Variants in CYP27C1 observed in about 807,000 individuals in gnomAD.
The protein encoded by CYP27C1 is cytochrome P450 family 27 subfamily C member 1, also known as cytochrome P450 27C1.
Under a neutral mutation model 40.6 loss-of-function variants are expected in CYP27C1, and 29 were observed. The observed-to-expected ratio is 0.71, with a 90% confidence interval of 0.53 to 0.97. The LOEUF (loss-of-function observed/expected upper bound fraction) is 0.97. Ranked by LOEUF, CYP27C1 falls within the 50% of genes least tolerant of loss-of-function variation. The pLI, the probability that CYP27C1 is intolerant of heterozygous loss-of-function variation, is 0.00. For synonymous variants in CYP27C1, 198 were observed against 186.8 expected (o/e 1.06, Z -0.49); for missense variants, 390 against 485.8 (o/e 0.80, Z 1.85).
At chr2:127,204,775 G>T (rs1055743820) in intron 2 of CYP27C1, among the ~76,000 whole-genome samples, 3 of 152,126 alleles carry the variant, frequency 2.0e-5, no homozygotes, top group African/African-American at 7.2e-5. Flanking sequence ...GGACGCTGAG[G>T]GAACCCCTTG....
intron 2 of CYP27C1, among the ~76,000 whole-genome samples, chr2:127,204,555 G>GAGAGAAAGAAAGAAAGAA (rs1553503372): frequency 2.6e-5 from 1 of 39,184 alleles, no homozygotes; most frequent in African/African-American, 9.5e-5. Flanking sequence ...GAGAGAGAGA[G>GAGAGAAAGAAAGAAAGAA]AGAAAGAAAG....
intron 5 of CYP27C1, among the ~76,000 whole-genome samples, chr2:127,198,403 C>A (rs1237483571): frequency 6.6e-6 from 1 of 152,060 alleles, no homozygotes; most frequent in Non-Finnish European, 1.5e-5. Context: ...TGTCTGTACC[C>A]TCTTCATGTA....
Position 127,204,455 on chromosome 2 carries a change from A to AG in CYP27C1, c.474-885dup, listed in dbSNP as rs1491413619. 5.2e-5 allele frequency among the ~76,000 whole-genome samples: 2 copies of AG among 38,404 alleles called. 1 individual carries two copies. Among genetic ancestry groups the AG allele is most frequent in the Non-Finnish European group, 1.1e-4 (2 of 18,090 alleles). 25.2% of individuals were successfully genotyped at this position (38,404 alleles called of 152,430 possible). ...GAAAGAAAGAAAAAGAAAGAAAGAA[A>AG]GAAAGAAAGAAAGAAAGAAAGAAAG... On this transcript the variant is annotated intron_variant, in intron 2 of 8. Coordinates refer to ENST00000664447, the MANE Select transcript of CYP27C1 (RefSeq NM_001367502.1).
chr2:127,209,571 C>T lies in CYP27C1; in HGVS notation c.283-3481G>A, dbSNP rs1005940976. On this transcript the variant is annotated intron_variant, in intron 1 of 8. Transcript: ENST00000664447. This position sits in a 1 kb window ranked among gnomAD's most constrained non-coding sequence, Gnocchi z 4.1. ...ATGGGTAATAAAAAACTGCGATGAC[C>T]TAAAGGAGCATGTTCTAACACAATG... is the stretch of plus-strand genomic sequence containing the variant. Among the ~76,000 whole-genome samples, 6 of 152,086 alleles carry T rather than the reference C, an allele frequency of 3.9e-5. No individual in the cohort carries two copies. The highest frequency in any genetic ancestry group is 1.4e-4 in the African/African-American group (6 of 41,406).
intron 6 of CYP27C1, among the ~76,000 whole-genome samples, 187 bp from the exon 7 acceptor site, chr2:127,194,054 G>A (rs1036033988): frequency 3.3e-5 from 5 of 152,182 alleles, no homozygotes; most frequent in Non-Finnish European, 5.9e-5. Context: ...TTACCAGCGA[G>A]TATTCTGAGG....
intron 7 of CYP27C1, 26 bp downstream of exon 7, chr2:127,193,763 G>A: frequency 6.2e-7 from 1 of 1,613,840 alleles, no homozygotes; most frequent in African/African-American, 1.3e-5. Context: ...CGCAAGGCCT[G>A]GCCACCCCCA....
intron 5 of CYP27C1, among the ~76,000 whole-genome samples, chr2:127,197,035 C>T (rs571687275): frequency 3.3e-5 from 5 of 152,270 alleles, no homozygotes; most frequent in African/African-American, 1.2e-4. Context: ...AGAATTTGTT[C>T]CCTGGCTTCT....
At chr2:127,193,503 C>G (rs1682831806) in intron 7 of CYP27C1, among the ~76,000 whole-genome samples, 1 of 152,194 alleles carries the variant, frequency 6.6e-6, no homozygotes, top group African/African-American at 2.4e-5. Flanking sequence ...AGAAGACCGT[C>G]GAGCCCTTCA....
At chr2:127,205,774 TATC>T in intron 2 of CYP27C1, 123 bp downstream of exon 2, 2 of 984,982 alleles carry the variant, frequency 2.0e-6, no homozygotes, top group South Asian at 9.4e-5. Context: ...GACTGTCTGA[TATC>T]ATTCCATGGG....
At chr2:127,204,539 G>C (rs776788412) in intron 2 of CYP27C1, among the ~76,000 whole-genome samples, 3 of 35,620 alleles carry the variant, frequency 8.4e-5, no homozygotes, top group African/African-American at 2.8e-4. Flanking sequence ...GAAAGAAAGA[G>C]AGAGAGAGAG....
chr2:127,211,385 T>TG (rs1558933913), intron 1 of CYP27C1, among the ~76,000 whole-genome samples: 5 of 61,586 alleles, frequency 8.1e-5, no homozygotes, highest in East Asian at 7.0e-4. Context: ...TTTTTTTTTT[T>TG]TTTTTTTTTT....
At chr2:127,192,990 G>C in intron 8 of CYP27C1, 104 bp downstream of exon 8, 1 of 1,436,836 alleles carries the variant, frequency 7.0e-7, no homozygotes, top group Non-Finnish European at 9.4e-7. Flanking sequence ...TTGATCTTAA[G>C]TTTCCAAAAC....
intron 8 of CYP27C1, 126 bp downstream of exon 8, chr2:127,192,968 G>T: frequency 1.6e-6 from 2 of 1,239,678 alleles, no homozygotes; most frequent in Non-Finnish European, 2.2e-6. Context: ...GAGCCACAGT[G>T]CCTGACGGCT....
chr2:127,184,324 C>T lies in CYP27C1; in HGVS notation c.*2947G>A, dbSNP rs1257366556. 1 of 151,894 alleles carries T rather than the reference C, an allele frequency of 6.6e-6. No homozygotes were observed. Among genetic ancestry groups the T allele is most frequent in the South Asian group, 2.1e-4 (1 of 4,808 alleles). The allele number at this position is 151,894 out of a possible 1,614,324, so 9.4% of individuals were successfully genotyped here. ...GTGGTTTATTTGAATCTGATTCAAA[C>T]GAAGTCCAGCATTGTACTTGGTTAA... On this transcript the variant is annotated 3_prime_UTR_variant, in exon 9 of 9. Coordinates refer to ENST00000664447, the MANE Select transcript of CYP27C1 (RefSeq NM_001367502.1).
chr2:127,183,942 CT>C lies in CYP27C1; in HGVS notation c.*3328del, dbSNP rs1682559074. Among the ~76,000 whole-genome samples, 1 of 152,172 alleles carries C rather than the reference CT, an allele frequency of 6.6e-6. No homozygotes were observed. The highest frequency in any genetic ancestry group is 6.5e-5 in the Admixed American group (1 of 15,280). ...ACCCTGCTTCCACAGTTAACAACAT[CT>C]GCCTAATCTTGGGTCATCTCTTCCT... On this transcript the variant is annotated 3_prime_UTR_variant, in exon 9 of 9. Coordinates refer to ENST00000664447, the MANE Select transcript of CYP27C1 (RefSeq NM_001367502.1). The surrounding 1 kb of genome is among the most constrained non-coding windows in gnomAD (Gnocchi z 5.1).
chr2:127,185,522 T>C lies in CYP27C1; in HGVS notation c.*1749A>G, dbSNP rs754995484. 6.6e-6 allele frequency: 1 copy of C among 152,250 alleles called. No individual in the cohort carries two copies. The highest frequency in any genetic ancestry group is 1.5e-5 in the Non-Finnish European group (1 of 68,044). 9.4% of individuals were successfully genotyped at this position (152,250 alleles called of 1,614,324 possible). ...TAGTTTATAAAACTTAATATACGTA[T>C]ACTGCTACCTCAAAGTAATCAATCC... On this transcript the variant is annotated 3_prime_UTR_variant, in exon 9 of 9. Coordinates refer to ENST00000664447, the MANE Select transcript of CYP27C1 (RefSeq NM_001367502.1). The surrounding 1 kb of genome is among the most constrained non-coding windows in gnomAD (Gnocchi z 4.9).
intron 1 of CYP27C1, among the ~76,000 whole-genome samples, chr2:127,216,284 C>G (rs1420242441): frequency 1.3e-5 from 2 of 152,156 alleles, no homozygotes; most frequent in African/African-American, 4.8e-5. Flanking sequence ...AAGGTGGAAA[C>G]AATCCAAATG....
At chr2:127,188,784 C>T (rs956913967) in intron 8 of CYP27C1, among the ~76,000 whole-genome samples, 3 of 152,102 alleles carry the variant, frequency 2.0e-5, no homozygotes, top group African/African-American at 7.3e-5. Flanking sequence ...CACCCTAAAG[C>T]GATTATCTCT....
chr2:127,211,951 A>G (rs1683346822), intron 1 of CYP27C1, among the ~76,000 whole-genome samples: 1 of 152,128 alleles, frequency 6.6e-6, no homozygotes, highest in Non-Finnish European at 1.5e-5. Context: ...AGAGAGAAGA[A>G]TCAAATAGAC....
Sources: gnomAD v4.1 joint callset for allele counts (sites outside exome capture counted in the v4.1 genomes callset) on GRCh38, gnomAD v4.1.1 for gene constraint, Gnocchi (gnomAD v3.1) non-coding constraint, MANE v1.5 for transcripts, NCBI Gene and HGNC (gene_info 2026-07-23, HGNC 2026-07-21) for gene names.